TAFA2: variants seen among roughly 807,000 people sequenced by gnomAD.
TAFA2 encodes the protein chemokine-like protein TAFA-2.
TAFA2 carries 7 observed loss-of-function variants against 18.8 expected under a neutral mutation model. The observed-to-expected ratio is 0.37, with a 90% CI of 0.21 to 0.70. TAFA2 has a LOEUF of 0.70. TAFA2 is among the 30% of genes least tolerant of loss of function. TAFA2 has a pLI of 0.53. For missense variants in TAFA2, 122 were observed against 158.1 expected (o/e 0.77, Z 1.23); for synonymous variants, 60 against 54.2 (o/e 1.11, Z -0.47).
At chr12:61,927,144 G>T (rs1009916904) in intron 1 of TAFA2, among the ~76,000 whole-genome samples, 1 of 149,920 alleles carries the variant, frequency 6.7e-6, no homozygotes, top group Non-Finnish European at 1.5e-5. Context: ...ATTCTACACA[G>T]TATTGGAAAT....
intron 1 of TAFA2, among the ~76,000 whole-genome samples, chr12:62,059,259 G>T (rs1454684395): frequency 6.6e-6 from 1 of 151,576 alleles, no homozygotes; most frequent in African/African-American, 2.4e-5. Context: ...TGAGGCTCCG[G>T]TGATCTATGA....
chr12:62,067,417 A>T, intron 1 of TAFA2, among the ~76,000 whole-genome samples: 1 of 151,982 alleles, frequency 6.6e-6, no homozygotes, highest in East Asian at 1.9e-4. Flanking sequence ...AGTTTCCCCT[A>T]TGTTTTCTTT....
rs1372635175 is a variant in TAFA2, at chr12:61,754,922, A to T, written c.209T>A (p.Phe70Tyr). 2.5e-6 allele frequency: 4 copies of T among 1,612,898 alleles called. No individual in the cohort carries two copies. Among genetic ancestry groups the T allele is most frequent in the Non-Finnish European group, 3.4e-6 (4 of 1,179,434 alleles). The change falls in exon 3 of 5, where the codon TTC (phenylalanine) becomes TAC (tyrosine). Residue 70 changes from phenylalanine (F) to tyrosine (Y), a missense_variant. Physicochemically the swap from Phe to Tyr is conservative, Grantham distance 22. Coordinates refer to ENST00000416284, the MANE Select transcript of TAFA2 (RefSeq NM_178539.5). ...CGTGGTGCCTGCCACCTGCCCAGGG[A>T]AGCAGGAGCACTTGACTGTTTGTGA... ...ERSQTVKCSC[F>Y]PGQVAGTTRA...
chr12:61,885,346 G>A (rs1306013811), intron 1 of TAFA2, among the ~76,000 whole-genome samples: 2 of 152,150 alleles, frequency 1.3e-5, no homozygotes, highest in African/African-American at 4.8e-5. Flanking sequence ...CACAAAGGGA[G>A]AAGAATGACA....
intron 1 of TAFA2, among the ~76,000 whole-genome samples, chr12:62,072,050 T>A (rs186874688): frequency 6.6e-6 from 1 of 152,292 alleles, no homozygotes; most frequent in African/African-American, 2.4e-5. Flanking sequence ...CACTCATTTT[T>A]CTCCAAGCAT....
intron 1 of TAFA2, among the ~76,000 whole-genome samples, chr12:62,233,738 T>C (rs1358992412): frequency 1.3e-5 from 2 of 152,190 alleles, no homozygotes; most frequent in African/African-American, 4.8e-5. Flanking sequence ...CTGGGGCTAG[T>C]GAATGGGTCA....
chr12:62,019,694 A>G (rs1006067722), intron 1 of TAFA2, among the ~76,000 whole-genome samples: 19 of 151,152 alleles, frequency 1.3e-4, no homozygotes, highest in Admixed American at 1.2e-3. Context: ...GGAGGGGGAT[A>G]GCATTAGGAG....
intron 1 of TAFA2, among the ~76,000 whole-genome samples, chr12:61,957,136 C>T (rs1011098956): frequency 2.0e-5 from 3 of 152,110 alleles, no homozygotes; most frequent in African/African-American, 7.2e-5. Flanking sequence ...CCTGTGCCAG[C>T]ATTTGCTTCT....
At chr12:62,062,083 G>A (rs1264022296) in intron 1 of TAFA2, among the ~76,000 whole-genome samples, 4 of 152,068 alleles carry the variant, frequency 2.6e-5, no homozygotes, top group African/African-American at 4.8e-5. Context: ...CTGAGGCATG[G>A]GAATTGCTTG....
intron 1 of TAFA2, chr12:61,879,688 G>A: frequency 1.8e-6 from 2 of 1,092,822 alleles, no homozygotes; most frequent in Non-Finnish European, 1.4e-6. Context: ...TGGAGGCCAA[G>A]TGGAGCCTCC....
At chr12:61,935,340 T>C (rs1877718578) in intron 1 of TAFA2, among the ~76,000 whole-genome samples, 4 of 149,178 alleles carry the variant, frequency 2.7e-5, no homozygotes. Flanking sequence ...ACTGTCTATA[T>C]CTTTGGAAAA....
intron 4 of TAFA2, among the ~76,000 whole-genome samples, chr12:61,726,205 T>A (rs1300832756): frequency 4.6e-5 from 7 of 151,970 alleles, no homozygotes; most frequent in African/African-American, 1.7e-4. Flanking sequence ...ATGTTTTATC[T>A]CTAATTGGTG....
At chr12:62,002,245 A>T (rs1288132458) in intron 1 of TAFA2, among the ~76,000 whole-genome samples, 1 of 152,228 alleles carries the variant, frequency 6.6e-6, no homozygotes, top group Non-Finnish European at 1.5e-5. Context: ...ATTTGGAATA[A>T]TAAAAAGGGA....
chr12:61,902,109 A>AC (rs1186373989), intron 1 of TAFA2, among the ~76,000 whole-genome samples: 1 of 151,710 alleles, frequency 6.6e-6, no homozygotes, highest in Non-Finnish European at 1.5e-5. Flanking sequence ...AAAAAAAAAA[A>AC]AAAACCTGTA....
At chr12:61,776,689 C>T (rs1422508833) in intron 2 of TAFA2, among the ~76,000 whole-genome samples, 2 of 151,808 alleles carry the variant, frequency 1.3e-5, no homozygotes, top group Non-Finnish European at 2.9e-5. Context: ...GATGTCTAAG[C>T]TCCCTTCTGG....
chr12:61,927,737 A>G (rs1219399380), intron 1 of TAFA2, among the ~76,000 whole-genome samples: 1 of 152,236 alleles, frequency 6.6e-6, no homozygotes, highest in East Asian at 1.9e-4. Flanking sequence ...AGCTGGAGGC[A>G]TCATGCCACT....
chr12:62,074,867 A>T (rs1882722708), intron 1 of TAFA2, among the ~76,000 whole-genome samples: 1 of 151,870 alleles, frequency 6.6e-6, no homozygotes, highest in South Asian at 2.1e-4. Flanking sequence ...ACACCCAGCT[A>T]ATTTTTGTAT....
intron 2 of TAFA2, among the ~76,000 whole-genome samples, chr12:61,858,526 C>A (rs2121185833): frequency 6.6e-6 from 1 of 152,080 alleles, no homozygotes; most frequent in Non-Finnish European, 1.5e-5. Flanking sequence ...TTACACAAAG[C>A]TTTTTATATT....
At chr12:62,231,912 A>C (rs2062813361) in intron 1 of TAFA2, among the ~76,000 whole-genome samples, 1 of 152,138 alleles carries the variant, frequency 6.6e-6, no homozygotes, top group Non-Finnish European at 1.5e-5. Flanking sequence ...TACAGAGACA[A>C]GGTCTTGCTG....
Sources: allele counts gnomAD v4.1 joint callset (sites outside exome capture counted in the v4.1 genomes callset), GRCh38; gene constraint gnomAD v4.1.1; transcripts MANE v1.5; gene names NCBI Gene and HGNC (gene_info 2026-07-23, HGNC 2026-07-21).